IGFN1: variants seen among roughly 807,000 people sequenced by gnomAD.
IGFN1 encodes immunoglobulin like and fibronectin type III domain containing 1, also known as immunoglobulin-like and fibronectin type III domain-containing protein 1.
A neutral mutation model predicts 289.5 loss-of-function variants in IGFN1; 253 were observed. The observed-to-expected ratio is 0.87, with a 90% CI of 0.79 to 0.97. The LOEUF is 0.97. Among genes scored for constraint, IGFN1 ranks in the 50% least tolerant of loss-of-function variants. The probability of loss-of-function intolerance (pLI) is 0.00; values close to 1 mark genes in which losing one functional copy is unlikely to be tolerated. For synonymous variants in IGFN1, 1,706 were observed against 1,788.5 expected (o/e 0.95, Z 1.16); for missense variants, 4,470 against 4,686.1 (o/e 0.95, Z 1.35).
Position 201,225,817 on chromosome 1 carries a change from C to A in IGFN1, c.10487-7C>A, listed in dbSNP as rs1226483856. 2.5e-6 allele frequency: 4 copies of A among 1,608,524 alleles called. No homozygotes were observed. The South Asian group carries it at 4.4e-5, about 18-fold the overall frequency. On this transcript the variant is annotated splice_polypyrimidine_tract_variant and splice_region_variant and intron_variant, in intron 21 of 23. Transcript: ENST00000335211. ...CACGTGACCTCCCTCTGCCGTCTCT[C>A]CTGAAGCATGCCCGCAGGCCCCTGG...
At position 201,202,742 on chromosome 1, in the gene IGFN1, TCCC is replaced by T. The variant is rs1310319109; in HGVS notation, c.747+911_747+913del. Among the ~76,000 whole-genome samples, 576 of 69,044 alleles carry T rather than the reference TCCC, an allele frequency of 8.3e-3. 2 individuals carry two copies. Among genetic ancestry groups the T allele is most frequent in the Middle Eastern group, 0.02 (2 of 102 alleles). 45.3% of individuals were successfully genotyped at this position (69,044 alleles called of 152,430 possible). On this transcript the variant is annotated intron_variant, in intron 9 of 23. Coordinates refer to ENST00000335211, the MANE Select transcript of IGFN1 (RefSeq NM_001164586.2). ...CTCCCTCCCTCCCTCCCTCCCTCCC[TCCC>T]TCCCTCCCTTCCTTCCTTCCTTCCT...
At position 201,193,229 on chromosome 1, in the gene IGFN1, T is replaced by G; in HGVS notation, c.-47-18T>G. Reference sequence around the variant, plus strand: ...ACCAGCCTGGATTTCTCAAAAGCAATTCCATTTCTGTTCTCAGGGTAATAG... The same window carrying G: ...ACCAGCCTGGATTTCTCAAAAGCAAGTCCATTTCTGTTCTCAGGGTAATAG... On this transcript the variant is annotated intron_variant, in intron 1 of 23. Coordinates refer to ENST00000335211, the MANE Select transcript of IGFN1 (RefSeq NM_001164586.2). 7.9e-7 allele frequency: 1 copy of G among 1,260,458 alleles called. No homozygotes were observed. Among genetic ancestry groups the G allele is most frequent in the Non-Finnish European group, 1.1e-6 (1 of 880,044 alleles). The allele number at this position is 1,260,458 out of a possible 1,614,324, so 78.1% of individuals were successfully genotyped here. A position where few individuals can be genotyped will look rare whatever the true frequency, so the allele number is the denominator to read the frequency against.
chr1:201,211,230 C>T lies in IGFN1; in HGVS notation c.6337C>T (p.Pro2113Ser), dbSNP rs758485784. The part of the protein sequence containing the change: ...EAGYRKDLGA[P>S]EGIGSGSKAG... The stretch of plus-strand genomic sequence containing the variant: ...AGGTTATAGGAAGGATTTGGGGGCT[C>T]CTGAGGGAATAGGTTCAGGAAGTAA... Residue 2113 changes from proline (P) to serine (S), a missense_variant, in exon 12 of 24, where the codon CCT (proline) becomes TCT (serine). By Grantham distance (74) the Pro-to-Ser change is moderately conservative. This residue lies in a region of IGFN1 where 2,218 missense variants were observed against 2,114.1 expected (regional missense o/e 1.05). Coordinates refer to ENST00000335211, the MANE Select transcript of IGFN1 (RefSeq NM_001164586.2). The T allele has an allele frequency of 1.3e-6, 2 of 1,528,464 alleles. No individual in the cohort carries two copies. Among genetic ancestry groups the T allele is most frequent in the South Asian group, 1.2e-5 (1 of 83,650 alleles). The allele number at this position is 1,528,464 out of a possible 1,614,324, so 94.7% of individuals were successfully genotyped here. A position where few individuals can be genotyped will look rare whatever the true frequency, so the allele number is the denominator to read the frequency against.
chr1:201,207,234 C>T lies in IGFN1; in HGVS notation c.2341C>T (p.Pro781Ser). Reference protein sequence around the residue: ...YKTGPGGPGDPRGCEGVLQEL... With the variant: ...YKTGPGGPGDSRGCEGVLQEL... ...AACTGGCCCTGGAGGCCCAGGAGACCCCAGAGGCTGCGAAGGTGTCCTACA... is the reference window on the plus strand; with the variant it reads ...AACTGGCCCTGGAGGCCCAGGAGACTCCAGAGGCTGCGAAGGTGTCCTACA... Residue 781 changes from proline to serine, a missense_variant, in exon 12 of 24, where the codon CCC (proline) becomes TCC (serine). Around this residue, in one of 8 missense-constraint regions of IGFN1, gnomAD observed 2,011 missense variants for 1,953.4 expected, o/e 1.03. Transcript: ENST00000335211. 1 of 1,536,706 alleles carries T rather than the reference C, an allele frequency of 6.5e-7. No individual in the cohort carries two copies. Among genetic ancestry groups the T allele is most frequent in the Admixed American group, 2.0e-5 (1 of 50,986 alleles).
chr1:201,201,649 A>G, intron 8 of IGFN1, 70 bp from the exon 9 acceptor site: 1 of 815,798 alleles, frequency 1.2e-6, no homozygotes, highest in Non-Finnish European at 2.1e-6. Context: ...ACCAGAGCCT[A>G]TGAGGGTTCA....
intron 23 of IGFN1, 59 bp from the exon 24 acceptor site, chr1:201,228,327 C>T: frequency 1.3e-6 from 2 of 1,566,738 alleles, no homozygotes; most frequent in Non-Finnish European, 1.8e-6. Flanking sequence ...CACCACTGAA[C>T]AGATGCAGGG....
Position 201,227,108 on chromosome 1 carries a change from C to T in IGFN1, c.11013C>T (p.Leu3671=). The part of the protein sequence containing the change: ...YSTDLLGVCS[L]TIPSVSPKDS... ...CTGACCTGCTGGGCGTGTGCTCCCT[C>T]ACCATCCCCAGCGTATCCCCGAAGG... The change falls in exon 23 of 24, where the codon CTC becomes CTT. Residue 3671 remains leucine (L), a synonymous_variant. Transcript: ENST00000335211. 3.1e-6 allele frequency: 5 copies of T among 1,613,554 alleles called. No individual in the cohort carries two copies. The highest frequency in any genetic ancestry group is 4.2e-6 in the Non-Finnish European group (5 of 1,179,998).
At position 201,216,688 on chromosome 1, in the gene IGFN1, G is replaced by A. The variant is rs374222395; in HGVS notation, c.9530G>A (p.Arg3177Gln). 6.6e-5 allele frequency: 107 copies of A among 1,613,860 alleles called. No individual in the cohort carries two copies. The highest frequency in any genetic ancestry group is 8.0e-5 in the Non-Finnish European group (94 of 1,179,960). Residue 3177 changes from arginine to glutamine, a missense_variant, in exon 16 of 24, where the codon CGG (arginine) becomes CAG (glutamine). Arg to Gln is a conservative substitution (Grantham distance 43). Coordinates refer to ENST00000335211, the MANE Select transcript of IGFN1 (RefSeq NM_001164586.2). ...GGCAGGAAGTATACCTTCCGAGTGC[G>A]GGCTGTGACCTCAGAGGGGGCTGGC... ...EPGRKYTFRVRAVTSEGAGEA... is the reference protein window; with the variant it reads ...EPGRKYTFRVQAVTSEGAGEA...
chr1:201,211,754 G>A lies in IGFN1; in HGVS notation c.6861G>A (p.Lys2287=), dbSNP rs1280555844. The change falls in exon 12 of 24, where the codon AAG becomes AAA. Residue 2287 remains lysine, a synonymous_variant. Transcript: ENST00000335211. ...KISSGDEAGY[K]NVLGGSGRNP... ...GTTCAGGGGATGAGGCAGGTTATAA[G>A]AATGTTTTAGGGGGTTCTGGGAGGA... 1.3e-6 allele frequency: 2 copies of A among 1,536,814 alleles called. No homozygotes were observed.
chr1:201,200,458 C>T, intron 8 of IGFN1, 47 bp downstream of exon 8: 11 of 1,474,820 alleles, frequency 7.5e-6, no homozygotes, highest in South Asian at 3.7e-5. Context: ...ACCCCACACA[C>T]CTGGACCATA....
rs1328245518 is a variant in IGFN1 at position 201,207,792 on chromosome 1, T to C, written c.2899T>C (p.Ser967Pro). 6.5e-6 allele frequency: 10 copies of C among 1,535,906 alleles called. No individual in the cohort carries two copies. The East Asian group carries it at 7.3e-5, about 11-fold the overall frequency. The stretch of plus-strand genomic sequence containing the variant: ...CTTAGGATATTCTAGGGAAATAAGC[T>C]CTAAAAGCGGGGCTGGTTATAGCTA... ...GGLGYSREISSKSGAGYSYGS... is the reference protein window; with the variant it reads ...GGLGYSREISPKSGAGYSYGS... The change falls in exon 12 of 24, where the codon TCT becomes CCT. Residue 967 changes from serine (S) to proline (P), a missense_variant. Around this residue, in one of 8 missense-constraint regions of IGFN1, gnomAD observed 2,011 missense variants for 1,953.4 expected, o/e 1.03. Transcript: ENST00000335211.
At position 201,209,297 on chromosome 1, in the gene IGFN1, G is replaced by A; in HGVS notation, c.4404G>A (p.Glu1468=). Reference sequence around the variant, plus strand: ...ATAGGAAAAATTTGGGAGCTCCTGAGAGAATGGATTCAGGGAGCAAGGCAG... The same window carrying A: ...ATAGGAAAAATTTGGGAGCTCCTGAAAGAATGGATTCAGGGAGCAAGGCAG... ...AGYRKNLGAP[E]RMDSGSKAGY... is the part of the protein sequence containing the mutation. Residue 1468 remains glutamate (E), a synonymous_variant, in exon 12 of 24, where the codon GAG becomes GAA. Coordinates refer to ENST00000335211, the MANE Select transcript of IGFN1 (RefSeq NM_001164586.2). 2 of 1,485,692 alleles carry A rather than the reference G, an allele frequency of 1.3e-6. No individual in the cohort carries two copies. The highest frequency in any genetic ancestry group is 1.8e-6 in the Non-Finnish European group (2 of 1,128,662). 92.0% of individuals were successfully genotyped at this position (1,485,692 alleles called of 1,614,324 possible). A position where few individuals can be genotyped will look rare whatever the true frequency, so the allele number is the denominator to read the frequency against.
In IGFN1 at chr1:201,212,670, G is replaced by T; in HGVS notation, c.7777G>T (p.Val2593Leu). ...CAGAAGGGTAGGCTCAGGGAGTTCAGTGGGGACAGGTCAGGATCTGGACAG... is the reference window on the plus strand; with the variant it reads ...CAGAAGGGTAGGCTCAGGGAGTTCATTGGGGACAGGTCAGGATCTGGACAG... ...GGRRVGSGSSVGTGQDLDSGS... is the reference protein window; with the variant it reads ...GGRRVGSGSSLGTGQDLDSGS... Residue 2593 changes from valine (V) to leucine (L), a missense_variant, in exon 12 of 24, where the codon GTG becomes TTG. Physicochemically the swap from Val to Leu is conservative, Grantham distance 32. This residue lies in a region of IGFN1 where 2,218 missense variants were observed against 2,114.1 expected (regional missense o/e 1.05). Coordinates refer to ENST00000335211, the MANE Select transcript of IGFN1 (RefSeq NM_001164586.2). The T allele has an allele frequency of 1.9e-6, 3 of 1,543,970 alleles. No individual in the cohort carries two copies. The highest frequency in any genetic ancestry group is 2.6e-6 in the Non-Finnish European group (3 of 1,142,580).
chr1:201,203,612 C>G lies in IGFN1; in HGVS notation c.748-126C>G, dbSNP rs567945896. ...ACCCCATCCCAGCTCCTCTATGGTT[C>G]CAGGAATCTGTTGTCTGGCGACTGG... On this transcript the variant is annotated intron_variant, in intron 9 of 23. Coordinates refer to ENST00000335211, the MANE Select transcript of IGFN1 (RefSeq NM_001164586.2). 12 of 821,248 alleles carry G rather than the reference C, an allele frequency of 1.5e-5. No homozygotes were observed. In the South Asian group the frequency reaches 2.0e-4, roughly 13 times the overall value. 50.9% of individuals were successfully genotyped at this position (821,248 alleles called of 1,614,324 possible). A position where few individuals can be genotyped will look rare whatever the true frequency, so the allele number is the denominator to read the frequency against.
intron 1 of IGFN1, among the ~76,000 whole-genome samples, chr1:201,192,626 G>A (rs74674428): frequency 1.3e-5 from 2 of 152,324 alleles, no homozygotes; most frequent in East Asian, 1.9e-4. Flanking sequence ...GAGCTTAAGA[G>A]CAGCAAATTT....
rs1667474031 is a variant in IGFN1, at chr1:201,207,310, T to C, written c.2417T>C (p.Val806Ala). 1 of 1,536,222 alleles carries C rather than the reference T, an allele frequency of 6.5e-7. No individual in the cohort carries two copies. The highest frequency in any genetic ancestry group is 2.0e-5 in the Admixed American group (1 of 50,950). The stretch of plus-strand genomic sequence containing the variant: ...GAAACAGCTTGGGCCTCGGGTGAGG[T>C]AGAGTATGACCCCAGAAGCTTCCAG... ...GQETAWASGE[V>A]EYDPRSFQSS... The change falls in exon 12 of 24, where the codon GTA becomes GCA. Residue 806 changes from valine (V) to alanine (A), a missense_variant. By Grantham distance (64) the Val-to-Ala change is moderately conservative (BLOSUM62 0). Around this residue, in one of 8 missense-constraint regions of IGFN1, gnomAD observed 2,011 missense variants for 1,953.4 expected, o/e 1.03. Coordinates refer to ENST00000335211, the MANE Select transcript of IGFN1 (RefSeq NM_001164586.2).
rs1353333138 is a variant in IGFN1 at position 201,212,076 on chromosome 1, G to A, written c.7183G>A (p.Ala2395Thr). ...GGGTCACAGGTCAGGATATTGGGTA[G>A]CATCAGAGGGTGACACGAACTCCAA... ...AMGHRSGYWV[A>T]SEGDTNSKDG... The change falls in exon 12 of 24, where the codon GCA becomes ACA. Residue 2395 changes from alanine to threonine, a missense_variant. Ala to Thr is a moderately conservative substitution (Grantham distance 58, BLOSUM62 0). This residue lies in a region of IGFN1 where 2,218 missense variants were observed against 2,114.1 expected (regional missense o/e 1.05). Coordinates refer to ENST00000335211, the MANE Select transcript of IGFN1 (RefSeq NM_001164586.2). The A allele has an allele frequency of 4.6e-6, 7 of 1,536,412 alleles. No individual in the cohort carries two copies. In the South Asian group the frequency reaches 7.1e-5, roughly 16 times the overall value.
At position 201,211,488 on chromosome 1, in the gene IGFN1, G is replaced by C; in HGVS notation, c.6595G>C (p.Gly2199Arg). 1 of 1,501,328 alleles carries C rather than the reference G, an allele frequency of 6.7e-7. No homozygotes were observed. The highest frequency in any genetic ancestry group is 1.2e-5 in the South Asian group (1 of 80,176). The allele number at this position is 1,501,328 out of a possible 1,614,324, so 93.0% of individuals were successfully genotyped here. Reference sequence around the variant, plus strand: ...AGGGAGTAAGGCAGGTTTCAGGGATGGTTTAGGGGGTTCTGAAGAAATGGG... The same window carrying C: ...AGGGAGTAAGGCAGGTTTCAGGGATCGTTTAGGGGGTTCTGAAGAAATGGG... ...GSGSKAGFRD[G>R]LGGSEEMGSV... The change falls in exon 12 of 24, where the codon GGT becomes CGT. Residue 2199 changes from glycine (G) to arginine (R), a missense_variant. This residue lies in a region of IGFN1 where 2,218 missense variants were observed against 2,114.1 expected (regional missense o/e 1.05). Coordinates refer to ENST00000335211, the MANE Select transcript of IGFN1 (RefSeq NM_001164586.2).
chr1:201,195,673 G>A (rs1666886221), intron 3 of IGFN1, among the ~76,000 whole-genome samples, 166 bp from the exon 4 acceptor site: 2 of 152,294 alleles, frequency 1.3e-5, no homozygotes, highest in Middle Eastern at 6.8e-3. Context: ...CTTTCCACCT[G>A]CGTATTCTGA....
Sources: gnomAD v4.1 joint callset for allele counts (sites outside exome capture counted in the v4.1 genomes callset) on GRCh38, gnomAD v4.1.1 for gene constraint, gnomAD v4.1.1 regional missense constraint, MANE v1.5 for transcripts, NCBI Gene and HGNC (gene_info 2026-07-23, HGNC 2026-07-21) for gene names.